Variants in TENM3 observed in about 807,000 individuals in gnomAD.
TENM3 encodes teneurin-3.
In TENM3, 63 loss-of-function variants were observed where a neutral mutation model predicts 255.1. That is an observed-to-expected ratio of 0.25 (90% CI 0.20 to 0.30). TENM3 has a LOEUF of 0.30. Ranked by LOEUF, TENM3 falls within the 10% of genes least tolerant of loss-of-function variation. TENM3 has a pLI of 1.00. For missense variants in TENM3, 2,929 were observed against 3,461.1 expected (o/e 0.85, Z 3.86); for synonymous variants, 1,306 against 1,322.3 (o/e 0.99, Z 0.27).
At chr4:181,714,541 C>T in the TENM3 span, among the ~76,000 whole-genome samples, 5 of 152,264 alleles carry the variant, frequency 3.3e-5, no homozygotes, top group South Asian at 1.0e-3. Flanking sequence ...CCATCCTATC[C>T]TATAGGTGGT....
At chr4:182,155,324 ATAAG>A (rs1464889601) in intron 1 of TENM3, among the ~76,000 whole-genome samples, 1 of 152,158 alleles carries the variant, frequency 6.6e-6, no homozygotes, top group East Asian at 1.9e-4. Context: ...TTTCTACAGT[ATAAG>A]TAATTCTGGT....
chr4:181,696,913 G>A, the TENM3 span, among the ~76,000 whole-genome samples: 1 of 152,198 alleles, frequency 6.6e-6, no homozygotes, highest in African/African-American at 2.4e-5. Context: ...TCCTGGGCAT[G>A]CCAGTGAACA....
chr4:181,593,634 T>C, the TENM3 span, among the ~76,000 whole-genome samples: 5 of 152,208 alleles, frequency 3.3e-5, no homozygotes, highest in Non-Finnish European at 5.9e-5. Context: ...ATTTTTAAAC[T>C]ATTGAAAATC....
At chr4:182,690,026 C>T (rs892999085) in intron 12 of TENM3, among the ~76,000 whole-genome samples, 2 of 152,176 alleles carry the variant, frequency 1.3e-5, no homozygotes, top group African/African-American at 2.4e-5. Flanking sequence ...TCTGCCACAA[C>T]CACCAAAATT....
At chr4:182,357,376 C>T (rs1208363034) in intron 3 of TENM3, among the ~76,000 whole-genome samples, 1 of 152,032 alleles carries the variant, frequency 6.6e-6, no homozygotes, top group Non-Finnish European at 1.5e-5. Flanking sequence ...CTCTCCAGCA[C>T]CTGTTGTTTC....
chr4:181,686,491 A>G, the TENM3 span, among the ~76,000 whole-genome samples: 1 of 152,052 alleles, frequency 6.6e-6, no homozygotes, highest in African/African-American at 2.4e-5. Context: ...AAAGTTCCCC[A>G]TAGCCTTCTT....
the TENM3 span, among the ~76,000 whole-genome samples, chr4:181,596,617 TA>T: frequency 3.3e-5 from 5 of 151,980 alleles, no homozygotes; most frequent in African/African-American, 1.2e-4. Flanking sequence ...AAGAACTATT[TA>T]AAAAAAATAA....
rs761922424 is a variant in TENM3, at chr4:182,640,387, C to A, written c.988+11498C>A. On this transcript the variant is annotated intron_variant, in intron 5 of 27. Transcript: ENST00000511685. Reference sequence around the variant, plus strand: ...CCCAATTTTATTCCAGATCCTTAATCTTTTTGTTAACTACATTTCTAGTTT... The same window carrying A: ...CCCAATTTTATTCCAGATCCTTAATATTTTTGTTAACTACATTTCTAGTTT... Among the ~76,000 whole-genome samples the A allele has an allele frequency of 3.5e-4, 54 of 152,130 alleles. 1 individual carries two copies. Among genetic ancestry groups the A allele is most frequent in the Non-Finnish European group, 8.8e-5 (6 of 68,012 alleles).
chr4:182,134,809 T>C, the TENM3 span, among the ~76,000 whole-genome samples: 2 of 152,084 alleles, frequency 1.3e-5, no homozygotes, highest in African/African-American at 4.8e-5. Flanking sequence ...TGTATTTCAA[T>C]ATGACTCTTC....
At chr4:181,790,280 T>C in the TENM3 span, among the ~76,000 whole-genome samples, 1 of 152,148 alleles carries the variant, frequency 6.6e-6, no homozygotes, top group South Asian at 2.1e-4. Context: ...AAAAAAATTG[T>C]TTTTTCTTTT....
In TENM3 at chr4:182,287,312, C is replaced by T. The variant is rs935492213; in HGVS notation, c.-75-36634C>T. On this transcript the variant is annotated intron_variant, in intron 1 of 27. Transcript: ENST00000511685. Reference sequence around the variant, plus strand: ...CTGGTTCTCTGTCTCCATCACACTCCACTTTCACTCATTCCTTAAGCTTCA... The same window carrying T: ...CTGGTTCTCTGTCTCCATCACACTCTACTTTCACTCATTCCTTAAGCTTCA... Among the ~76,000 whole-genome samples, 3 of 152,336 alleles carry T rather than the reference C, an allele frequency of 2.0e-5. No individual in the cohort carries two copies. The South Asian group carries it at 6.2e-4, about 32-fold the overall frequency.
intron 5 of TENM3, among the ~76,000 whole-genome samples, chr4:182,645,153 A>G (rs1752631453): frequency 6.6e-6 from 1 of 151,638 alleles, no homozygotes. Context: ...GGCTAAAGTG[A>G]TATCATGAAC....
At chr4:182,487,632 A>G (rs1734887189) in intron 3 of TENM3, among the ~76,000 whole-genome samples, 1 of 152,148 alleles carries the variant, frequency 6.6e-6, no homozygotes, top group Admixed American at 6.5e-5. Flanking sequence ...GTGCAGTTTA[A>G]TAAGTGCCCT....
At chr4:181,697,141 A>C in the TENM3 span, among the ~76,000 whole-genome samples, 1 of 152,210 alleles carries the variant, frequency 6.6e-6, no homozygotes, top group South Asian at 2.1e-4. Context: ...TGGCCCAAGA[A>C]TCTTCAAACG....
chr4:181,675,702 C>T, the TENM3 span, among the ~76,000 whole-genome samples: 7 of 152,206 alleles, frequency 4.6e-5, no homozygotes, highest in African/African-American at 9.6e-5. Flanking sequence ...TTTTCATATA[C>T]TGCATGAAAA....
chr4:182,102,359 T>A, the TENM3 span, among the ~76,000 whole-genome samples: 3 of 152,176 alleles, frequency 2.0e-5, no homozygotes, highest in Admixed American at 1.3e-4. Flanking sequence ...CCACATGAGA[T>A]TAGAAACCCT....
the TENM3 span, among the ~76,000 whole-genome samples, chr4:181,703,120 G>A: frequency 6.6e-6 from 1 of 152,168 alleles, no homozygotes; most frequent in African/African-American, 2.4e-5. Flanking sequence ...CTTTCAGACC[G>A]AAGCAGATCA....
the TENM3 span, among the ~76,000 whole-genome samples, chr4:181,449,752 A>T: frequency 6.6e-6 from 1 of 152,186 alleles, no homozygotes; most frequent in Admixed American, 6.5e-5. Flanking sequence ...GTGCCGCTGC[A>T]CTCCAGCCTG....
the TENM3 span, among the ~76,000 whole-genome samples, chr4:181,542,085 T>C: frequency 1.6e-3 from 248 of 152,244 alleles, no homozygotes; most frequent in African/African-American, 5.8e-3. Context: ...AATTTTAGCA[T>C]GGAAAGACAA....
Sources: allele counts gnomAD v4.1 joint callset (sites outside exome capture counted in the v4.1 genomes callset), GRCh38; gene constraint gnomAD v4.1.1; transcripts MANE v1.5; gene names NCBI Gene and HGNC (gene_info 2026-07-23, HGNC 2026-07-21).